Variants in PDZD2 observed in about 807,000 individuals in gnomAD.
The protein encoded by PDZD2 is PDZ domain-containing protein 2.
Under a neutral mutation model 220.7 loss-of-function variants are expected in PDZD2, and 90 were observed. The ratio of observed to expected loss-of-function variants is 0.41; its 90% CI spans 0.34 to 0.49. The LOEUF is 0.49. Among genes scored for constraint, PDZD2 ranks in the 20% least tolerant of loss-of-function variants. The pLI is 0.28. For missense variants in PDZD2, 3,174 were observed against 3,608.5 expected, an observed-to-expected ratio of 0.88 and a Z score of 3.08; for synonymous variants, 1,375 against 1,450.5, an observed-to-expected ratio of 0.95 and a Z score of 1.18.
At chr5:31,840,369 C>G (rs1361690926) in intron 2 of PDZD2, 1 of 146,488 alleles carries the variant, frequency 6.8e-6, no homozygotes, top group East Asian at 1.9e-4. Context: ...CTATCCCCCA[C>G]ACTCATTCAA....
At chr5:31,782,838 C>G (rs74870856) in intron 1 of PDZD2, among the ~76,000 whole-genome samples, 1 of 151,330 alleles carries the variant, frequency 6.6e-6, no homozygotes, top group South Asian at 2.1e-4. Flanking sequence ...CTCAGCCTCC[C>G]GAGTAGCTGT....
chr5:31,783,577 T>C (rs2150211805), intron 1 of PDZD2, among the ~76,000 whole-genome samples: 1 of 152,296 alleles, frequency 6.6e-6, no homozygotes, highest in Admixed American at 6.5e-5. Flanking sequence ...CTTGGAGTCG[T>C]CCAACCAGGG....
intron 3 of PDZD2, among the ~76,000 whole-genome samples, chr5:31,989,012 C>T (rs996790822): frequency 6.6e-6 from 1 of 152,156 alleles, no homozygotes; most frequent in East Asian, 1.9e-4. Context: ...TTTGGCTCAT[C>T]GTGTCCCCAG....
chr5:31,829,373 G>A (rs1210680652), intron 2 of PDZD2, among the ~76,000 whole-genome samples: 4 of 151,388 alleles, frequency 2.6e-5, no homozygotes, highest in African/African-American at 7.3e-5. Flanking sequence ...TGTTGCCAAG[G>A]CTGGAGTGCA....
intron 2 of PDZD2, among the ~76,000 whole-genome samples, chr5:31,964,012 A>T (rs1194752892): frequency 6.6e-6 from 1 of 152,102 alleles, no homozygotes; most frequent in African/African-American, 2.4e-5. Context: ...TTTAGAGTCC[A>T]TTTCTGACTC....
At chr5:31,686,116 C>T (rs1314030774) in intron 1 of PDZD2, among the ~76,000 whole-genome samples, 1 of 151,534 alleles carries the variant, frequency 6.6e-6, no homozygotes, top group Non-Finnish European at 1.5e-5. Flanking sequence ...CCCAGCTACT[C>T]GGGAGGCTGA....
At chr5:31,798,663 TC>T (rs952945889) in intron 1 of PDZD2, among the ~76,000 whole-genome samples, 4 of 152,170 alleles carry the variant, frequency 2.6e-5, no homozygotes, top group African/African-American at 9.7e-5. Flanking sequence ...CCAGGAAACT[TC>T]CTGGAGAAGG....
rs199990368 is a variant in PDZD2, at chr5:31,707,315, T to A, written c.-361+67878T>A. On this transcript the variant is annotated intron_variant, in intron 1 of 24. Coordinates refer to ENST00000438447, the MANE Select transcript of PDZD2 (RefSeq NM_178140.4). Reference sequence around the variant, plus strand: ...CTTAAAGTTTAATAAATAAATTAATTAATTAATTAATTAATTAAATAAAAA... The same window carrying A: ...CTTAAAGTTTAATAAATAAATTAATAAATTAATTAATTAATTAAATAAAAA... 6.2e-3 allele frequency among the ~76,000 whole-genome samples: 795 copies of A among 127,738 alleles called. 13 individuals are homozygous for A. The highest frequency in any genetic ancestry group is 0.024 in the African/African-American group (730 of 30,874). The allele number at this position is 127,738 out of a possible 152,430, so 83.8% of individuals were successfully genotyped here.
intron 2 of PDZD2, among the ~76,000 whole-genome samples, chr5:31,926,407 T>C (rs1744765562): frequency 6.8e-6 from 1 of 147,302 alleles, no homozygotes; most frequent in Non-Finnish European, 1.5e-5. Context: ...AAGCCTGTAC[T>C]CCCGGCTACT....
At chr5:31,923,430 GC>G in intron 2 of PDZD2, 1 of 1,189,684 alleles carries the variant, frequency 8.4e-7, no homozygotes, top group Non-Finnish European at 1.3e-6. Flanking sequence ...GGGCCAGTTT[GC>G]CATCCACTTG....
intron 14 of PDZD2, among the ~76,000 whole-genome samples, chr5:32,065,473 T>C (rs992567945): frequency 2.0e-5 from 3 of 152,224 alleles, no homozygotes; most frequent in African/African-American, 7.2e-5. Context: ...TGGGTCCCTC[T>C]ATGTGCCATA....
At chr5:31,753,849 A>G (rs1751156349) in intron 1 of PDZD2, among the ~76,000 whole-genome samples, 1 of 152,182 alleles carries the variant, frequency 6.6e-6, no homozygotes, top group African/African-American at 2.4e-5. Context: ...GAGGAAGATA[A>G]ATAAACTTAT....
chr5:31,828,794 C>A (rs1372277967), intron 2 of PDZD2, among the ~76,000 whole-genome samples: 1 of 152,230 alleles, frequency 6.6e-6, no homozygotes. Flanking sequence ...AGCCACCATG[C>A]CCAGCTAGAA....
intron 2 of PDZD2, among the ~76,000 whole-genome samples, chr5:31,954,123 TAAAAA>T (rs879829301): frequency 6.9e-6 from 1 of 145,882 alleles, no homozygotes; most frequent in Non-Finnish European, 1.5e-5. Context: ...CCCTGTCTCT[TAAAAA>T]AAAAAAGTGA....
intron 2 of PDZD2, among the ~76,000 whole-genome samples, chr5:31,814,660 T>TA (rs959741047): frequency 1.3e-4 from 19 of 149,938 alleles, no homozygotes; most frequent in South Asian, 4.2e-4. Flanking sequence ...TCGTCTCTAC[T>TA]AAAAAAAAAC....
At chr5:31,993,025 C>T (rs1751352625) in intron 3 of PDZD2, among the ~76,000 whole-genome samples, 1 of 152,118 alleles carries the variant, frequency 6.6e-6, no homozygotes, top group African/African-American at 2.4e-5. Context: ...GGCCATCGGG[C>T]CCCATTGGAA....
chr5:31,898,303 T>C (rs1741756909), intron 2 of PDZD2, among the ~76,000 whole-genome samples: 1 of 152,216 alleles, frequency 6.6e-6, no homozygotes, highest in Non-Finnish European at 1.5e-5. Flanking sequence ...GATATACAGC[T>C]GTAAAGCTAG....
In PDZD2 at chr5:32,083,968, G is replaced by A. The variant is rs778097317; in HGVS notation, c.3683-3163G>A. Among the ~76,000 whole-genome samples, 17 of 152,210 alleles carry A rather than the reference G, an allele frequency of 1.1e-4. No homozygotes were observed. Among genetic ancestry groups the A allele is most frequent in the Non-Finnish European group, 2.4e-4 (16 of 68,022 alleles). On this transcript the variant is annotated intron_variant, in intron 19 of 24. Coordinates refer to ENST00000438447, the MANE Select transcript of PDZD2 (RefSeq NM_178140.4). This position sits in a 1 kb window ranked among gnomAD's most constrained non-coding sequence, Gnocchi z 4.1. ...GCTGGGATTACAGGCATGAGCCACC[G>A]CCCACGGCCTGAATATGAAATTTAA...
At chr5:31,712,451 CCTCTCTCTCTCT>C (rs72212182) in intron 1 of PDZD2, among the ~76,000 whole-genome samples, 8 of 131,444 alleles carry the variant, frequency 6.1e-5, no homozygotes, top group East Asian at 2.7e-4. Flanking sequence ...GCTGGGCCTG[CCTCTCTCTCTCT>C]CTCTCTCTCT....
Sources: allele counts gnomAD v4.1 joint callset (sites outside exome capture counted in the v4.1 genomes callset), GRCh38; gene constraint gnomAD v4.1.1; non-coding constraint Gnocchi (gnomAD v3.1); transcripts MANE v1.5; gene names NCBI Gene and HGNC (gene_info 2026-07-23, HGNC 2026-07-21).